The following AHCYL1 variants were observed in gnomAD, a reference collection of about 807,000 sequenced individuals.
AHCYL1 encodes the protein S-adenosylhomocysteine hydrolase-like protein 1.
A neutral mutation model predicts 79.3 loss-of-function variants in AHCYL1; 20 were observed. The observed-to-expected ratio is 0.25, with a 90% CI of 0.18 to 0.37. AHCYL1 has a LOEUF of 0.37. Ranked by LOEUF, AHCYL1 falls within the 10% of genes least tolerant of loss-of-function variation. The pLI is 1.00. For missense variants in AHCYL1, 330 were observed against 673.6 expected (o/e 0.49, Z 5.65); for synonymous variants, 223 against 242.2 (o/e 0.92, Z 0.74).
intron 1 of AHCYL1, among the ~76,000 whole-genome samples, chr1:109,995,060 A>C (rs932507827): frequency 6.6e-6 from 1 of 152,048 alleles, no homozygotes; most frequent in African/African-American, 2.4e-5. Flanking sequence ...TATTCTGGGG[A>C]TAGTTTCTGT....
At position 110,016,673 on chromosome 1, in the gene AHCYL1, G is replaced by C; in HGVS notation, c.906G>C (p.Lys302Asn). 1 of 1,614,184 alleles carries C rather than the reference G, an allele frequency of 6.2e-7. No homozygotes were observed. Among genetic ancestry groups the C allele is most frequent in the Non-Finnish European group, 8.5e-7 (1 of 1,180,020 alleles). ...CCCTTGTCTGTTTCCACAGCCTGAA[G>C]AGGACCACAGATGTGATGTTTGGTG... ...CCRESILDGL[K>N]RTTDVMFGGK... Residue 302 changes from lysine (K) to asparagine (N), a missense_variant, in exon 9 of 17, where the codon AAG becomes AAC. By Grantham distance (94) the Lys-to-Asn change is moderately conservative. Transcript: ENST00000369799.
chr1:109,998,043 G>T (rs540843874), intron 1 of AHCYL1, among the ~76,000 whole-genome samples: 2 of 152,296 alleles, frequency 1.3e-5, no homozygotes, highest in African/African-American at 4.8e-5. Context: ...TGGAAAAACT[G>T]TTCTGCTATG....
intron 13 of AHCYL1, 93 bp downstream of exon 13, chr1:110,018,743 T>G: frequency 8.7e-7 from 1 of 1,149,932 alleles, no homozygotes; most frequent in Non-Finnish European, 1.3e-6. Context: ...TAGGCCTATG[T>G]TTCCCTGAAT....
rs1376443095 is a variant in AHCYL1, at chr1:110,016,742, GGTCTCAGT to G, written c.963+18_963+25del. ...GTGGCTATGGTGAGGTAAATAGCTGGGTCTCAGTGTCTCTTTCTTTTTGTGTACTTATT... is the reference window on the plus strand; with the variant it reads ...GTGGCTATGGTGAGGTAAATAGCTGGGTCTCTTTCTTTTTGTGTACTTATT... On this transcript the variant is annotated intron_variant, in intron 9 of 16. Transcript: ENST00000369799. The G allele has an allele frequency of 6.2e-7, 1 of 1,613,874 alleles. No homozygotes were observed. Among genetic ancestry groups the G allele is most frequent in the Admixed American group, 1.7e-5 (1 of 60,010 alleles).
intron 1 of AHCYL1, among the ~76,000 whole-genome samples, chr1:109,992,080 G>A (rs550918069): frequency 6.6e-6 from 1 of 151,704 alleles, no homozygotes; most frequent in Non-Finnish European, 1.5e-5. Context: ...AAATCTGGGG[G>A]CGGGGGGAAG....
chr1:110,004,256 C>T (rs1359440301), intron 1 of AHCYL1: 1 of 985,340 alleles, frequency 1.0e-6, no homozygotes, highest in African/African-American at 1.7e-5. Flanking sequence ...TCCCTCTCCC[C>T]CAAGAAACTC....
Position 109,984,870 on chromosome 1 carries a change from T to A in AHCYL1, c.-183T>A. The A allele has an allele frequency of 2.0e-6, 2 of 996,938 alleles. No homozygotes were observed. The highest frequency in any genetic ancestry group is 2.6e-6 in the Non-Finnish European group (2 of 770,122). 61.8% of individuals were successfully genotyped at this position (996,938 alleles called of 1,614,324 possible). On this transcript the variant is annotated 5_prime_UTR_variant, in exon 1 of 17. The change creates a new upstream start codon in the 5' untranslated region. Transcript: ENST00000369799. ...TGGCCGCCGTCGCTGTCCGGCTGCC[T>A]TGGGCTGCCGAACAGACAAGGCGTG...
In AHCYL1 at chr1:110,018,596, T is replaced by C; in HGVS notation, c.1263T>C (p.Ser421=). 6.2e-7 allele frequency: 1 copy of C among 1,614,070 alleles called. No individual in the cohort carries two copies. The highest frequency in any genetic ancestry group is 8.5e-7 in the Non-Finnish European group (1 of 1,179,990). The stretch of plus-strand genomic sequence containing the variant: ...AGCTGACGTGGGAGCGAGTACGTTC[T>C]CAGGTGGACCATGTCATCTGGCCAG... The part of the protein sequence containing the change: ...TPELTWERVR[S]QVDHVIWPDG... The change falls in exon 13 of 17, where the codon TCT becomes TCC. Residue 421 remains serine, a synonymous_variant. Coordinates refer to ENST00000369799, the MANE Select transcript of AHCYL1 (RefSeq NM_006621.7).
At chr1:109,986,311 G>A (rs914051622) in intron 1 of AHCYL1, among the ~76,000 whole-genome samples, 1 of 135,786 alleles carries the variant, frequency 7.4e-6, no homozygotes, top group African/African-American at 3.0e-5. Context: ...TGTCTTAAGT[G>A]GGAGAGATGG....
intron 8 of AHCYL1, 37 bp downstream of exon 8, chr1:110,016,497 C>G (rs1651429336): frequency 6.3e-7 from 1 of 1,582,328 alleles, no homozygotes; most frequent in Non-Finnish European, 8.6e-7. Context: ...CTTCTAGGGG[C>G]TCTGGTCTTC....
chr1:109,996,335 A>G (rs1451893538), intron 1 of AHCYL1, among the ~76,000 whole-genome samples: 2 of 152,182 alleles, frequency 1.3e-5, no homozygotes, highest in Non-Finnish European at 2.9e-5. Flanking sequence ...CTTTTTCTCA[A>G]TGTATTCAGA....
rs1651423057 is a variant in AHCYL1, at chr1:110,016,388, T to C, written c.827T>C (p.Met276Thr). 6.2e-7 allele frequency: 1 copy of C among 1,614,048 alleles called. No individual in the cohort carries two copies. The highest frequency in any genetic ancestry group is 8.5e-7 in the Non-Finnish European group (1 of 1,180,002). The change falls in exon 8 of 17, where the codon ATG becomes ACG. Residue 276 changes from methionine (M) to threonine (T), a missense_variant. Physicochemically the swap from Met to Thr is moderately conservative, Grantham distance 81. Transcript: ENST00000369799. ...SKAGKLCVPA[M>T]NVNDSVTKQK... ...GCTGGGAAGCTCTGTGTTCCGGCCATGAACGTCAATGATTCTGTTACCAAA... is the reference window on the plus strand; with the variant it reads ...GCTGGGAAGCTCTGTGTTCCGGCCACGAACGTCAATGATTCTGTTACCAAA...
intron 1 of AHCYL1, among the ~76,000 whole-genome samples, chr1:110,005,929 C>G (rs570305942): frequency 6.8e-6 from 1 of 147,434 alleles, no homozygotes; most frequent in Non-Finnish European, 1.5e-5. Context: ...GTGCATATAC[C>G]CCAAATTATT....
At chr1:110,004,119 G>A in intron 1 of AHCYL1, 1 of 985,470 alleles carries the variant, frequency 1.0e-6, no homozygotes, top group South Asian at 4.7e-5. Flanking sequence ...GTCCTACTTT[G>A]AAAGGAGTAT....
intron 1 of AHCYL1, among the ~76,000 whole-genome samples, chr1:109,985,777 G>A (rs982732192): frequency 3.9e-5 from 6 of 152,172 alleles, no homozygotes; most frequent in Non-Finnish European, 5.9e-5. Context: ...GTTGGTGACA[G>A]CAGACACTGT....
At position 110,018,623 on chromosome 1, in the gene AHCYL1, T is replaced by G. The variant is rs1242058182; in HGVS notation, c.1290T>G (p.Asp430Glu). ...AGGTGGACCATGTCATCTGGCCAGA[T>G]GGCAAACGAGTTGTCCTCCTGGCAG... is the stretch of plus-strand genomic sequence containing the variant. ...RSQVDHVIWP[D>E]GKRVVLLAEG... The change falls in exon 13 of 17, where the codon GAT (aspartate) becomes GAG (glutamate). Residue 430 changes from aspartate (D) to glutamate (E), a missense_variant. Asp to Glu is a conservative substitution (Grantham distance 45). Around this residue, in one of 6 missense-constraint regions of AHCYL1, gnomAD observed 119 missense variants for 293.3 expected, o/e 0.41. Transcript: ENST00000369799. The G allele has an allele frequency of 6.2e-7, 1 of 1,613,646 alleles. No homozygotes were observed. The highest frequency in any genetic ancestry group is 2.2e-5 in the East Asian group (1 of 44,862).
intron 1 of AHCYL1, chr1:110,001,022 CT>C: frequency 1.1e-6 from 1 of 930,894 alleles, no homozygotes; most frequent in Non-Finnish European, 1.3e-6. Flanking sequence ...GTACAATCAA[CT>C]TTAAGTAAAA....
chr1:110,003,983 G>A, intron 1 of AHCYL1: 2 of 985,402 alleles, frequency 2.0e-6, no homozygotes, highest in Non-Finnish European at 2.4e-6. Context: ...GCTCACAAGG[G>A]TCAAACTACT....
At chr1:109,988,539 ACT>A (rs2101689474) in intron 1 of AHCYL1, among the ~76,000 whole-genome samples, 1 of 152,272 alleles carries the variant, frequency 6.6e-6, no homozygotes, top group East Asian at 1.9e-4. Context: ...GGAAATTGAC[ACT>A]GTGTCAAGTT....
Sources: allele counts gnomAD v4.1 joint callset (sites outside exome capture counted in the v4.1 genomes callset), GRCh38; gene constraint gnomAD v4.1.1; regional missense constraint gnomAD v4.1.1; transcripts MANE v1.5; gene names NCBI Gene and HGNC (gene_info 2026-07-23, HGNC 2026-07-21).